The following PFDN6 variants were observed in gnomAD, a reference collection of about 807,000 sequenced individuals.
The protein encoded by PFDN6 is HLA class II region expressed gene KE2.
PFDN6 carries 5 observed loss-of-function variants against 19.3 expected under a neutral mutation model. The observed-to-expected ratio is 0.26, with a 90% CI of 0.14 to 0.55. The LOEUF (loss-of-function observed/expected upper bound fraction) is 0.55, where lower values mean the gene tolerates loss of function less well. PFDN6 is among the 20% of genes least tolerant of loss of function. PFDN6 has a pLI of 0.94. For synonymous variants in PFDN6, 51 were observed against 63.4 expected (o/e 0.80, Z 0.93); for missense variants, 101 against 149.4 (o/e 0.68, Z 1.69).
intron 3 of PFDN6, 27 bp downstream of exon 3, chr6:33,290,477 C>A (rs543779364): frequency 2.0e-6 from 3 of 1,533,772 alleles, no homozygotes; most frequent in East Asian, 2.3e-5. Context: ...CCACCGTGTG[C>A]TGCACCCTGT....
chr6:33,289,587 T>C, upstream of PFDN6: 1 of 692,174 alleles, frequency 1.4e-6, no homozygotes, highest in Non-Finnish European at 2.1e-6. Context: ...CATTCCTTGT[T>C]TACTTCCGGG....
Position 33,290,725 on chromosome 6 carries a change from C to T in PFDN6, c.270C>T (p.Tyr90=), listed in dbSNP as rs780156367. 3 of 1,613,022 alleles carry T rather than the reference C, an allele frequency of 1.9e-6. No homozygotes were observed. The highest frequency in any genetic ancestry group is 4.5e-5 in the East Asian group (2 of 44,884). ...LDYITAEIKR[Y]ESQLRDLERQ... Reference sequence around the variant, plus strand: ...CCTTGTCTCTCCTTAGTAAGCGATACGAATCCCAGCTTCGGGATCTTGAGC... The same window carrying T: ...CCTTGTCTCTCCTTAGTAAGCGATATGAATCCCAGCTTCGGGATCTTGAGC... Residue 90 remains tyrosine, a synonymous_variant, in exon 4 of 4, where the codon TAC becomes TAT. Transcript: ENST00000374606.
chr6:33,290,857 G>T lies in PFDN6; in HGVS notation c.*12G>T. 6.4e-7 allele frequency: 1 copy of T among 1,558,060 alleles called. No individual in the cohort carries two copies. On this transcript the variant is annotated 3_prime_UTR_variant, in exon 4 of 4. Transcript: ENST00000374606. ...CTGGCAAGGCCTGACCCCATGGTGG[G>T]GGGAGGGGAGGGGAGGGGAGGGAAT...
chr6:33,290,661 A>G lies in PFDN6; in HGVS notation c.261-55A>G, dbSNP rs1049398968. ...CTCTTTCTTGCGTTTAGCACTCTCC[A>G]TAGTGAGTCCTACTAATTTCTCCCT... On this transcript the variant is annotated intron_variant, in intron 3 of 3. Coordinates refer to ENST00000374606, the MANE Select transcript of PFDN6 (RefSeq NM_001185181.3). The G allele has an allele frequency of 1.4e-5, 23 of 1,597,048 alleles. No homozygotes were observed. The African/African-American group carries it at 2.7e-4, about 19-fold the overall frequency.
At chr6:33,289,298 T>C, upstream of PFDN6, 1 of 1,471,292 alleles carries the variant, frequency 6.8e-7, no homozygotes, top group Non-Finnish European at 8.9e-7. Context: ...GCTCTCTAGG[T>C]GCCATCTTGA....
chr6:33,290,817 C>G lies in PFDN6; in HGVS notation c.362C>G (p.Ala121Gly). 2 of 1,574,770 alleles carry G rather than the reference C, an allele frequency of 1.3e-6. No homozygotes were observed. The highest frequency in any genetic ancestry group is 2.3e-5 in the East Asian group (1 of 43,360). The change falls in exon 4 of 4, where the codon GCA becomes GGA. Residue 121 changes from alanine (A) to glycine (G), a missense_variant. Physicochemically the swap from Ala to Gly is moderately conservative, Grantham distance 60. Around this residue, in one of 2 missense-constraint regions of PFDN6, gnomAD observed 47 missense variants for 40.6 expected, o/e 1.16. Transcript: ENST00000374606. ...LQQEFQRAQA[A>G]KAGAPGKA ...CAGGAGTTCCAGCGGGCCCAGGCAG[C>G]AAAGGCAGGGGCTCCTGGCAAGGCC...
chr6:33,290,486 G>T (rs775906927), intron 3 of PFDN6, 36 bp downstream of exon 3: 10 of 1,528,180 alleles, frequency 6.5e-6, no homozygotes, highest in Non-Finnish European at 7.0e-6. Context: ...GCTGCACCCT[G>T]TGATGCAAGT....
Position 33,290,582 on chromosome 6 carries a change from T to C in PFDN6, c.260+132T>C, listed in dbSNP as rs1369327844. 5 of 1,470,148 alleles carry C rather than the reference T, an allele frequency of 3.4e-6. No individual in the cohort carries two copies. In the African/African-American group the frequency reaches 7.0e-5, roughly 21 times the overall value. The allele number at this position is 1,470,148 out of a possible 1,614,324, so 91.1% of individuals were successfully genotyped here. On this transcript the variant is annotated intron_variant, in intron 3 of 3. Transcript: ENST00000374606. ...CCTCCAGTTCCTCCAACCCTTTCCT[T>C]CCCTTTTAACCCCCCTTCTTCTCCC...
chr6:33,289,805 A>G lies in PFDN6; in HGVS notation c.-52A>G. 7.0e-7 allele frequency: 1 copy of G among 1,433,856 alleles called. No individual in the cohort carries two copies. The highest frequency in any genetic ancestry group is 1.4e-5 in the African/African-American group (1 of 70,188). The allele number at this position is 1,433,856 out of a possible 1,614,324, so 88.8% of individuals were successfully genotyped here. ...AAAAGGGAGCTCAGGTACCTTCCAGAGAGTGAGACCCAGCGCCCTTGTCTC... is the reference window on the plus strand; with the variant it reads ...AAAAGGGAGCTCAGGTACCTTCCAGGGAGTGAGACCCAGCGCCCTTGTCTC... On this transcript the variant is annotated 5_prime_UTR_variant, in exon 1 of 4. Transcript: ENST00000374606.
At chr6:33,290,013 C>T in intron 1 of PFDN6, 93 bp downstream of exon 1, 1 of 1,325,126 alleles carries the variant, frequency 7.5e-7, no homozygotes, top group Non-Finnish European at 1.1e-6. Context: ...TGGGCCCTCG[C>T]GTGCAGAGAC....
At position 33,290,902 on chromosome 6, in the gene PFDN6, T is replaced by C. The variant is rs1262883933; in HGVS notation, c.*57T>C. The C allele has an allele frequency of 6.9e-7, 1 of 1,459,104 alleles. No individual in the cohort carries two copies. Among genetic ancestry groups the C allele is most frequent in the East Asian group, 2.4e-5 (1 of 40,880 alleles). The allele number at this position is 1,459,104 out of a possible 1,614,324, so 90.4% of individuals were successfully genotyped here. A position where few individuals can be genotyped will look rare whatever the true frequency, so the allele number is the denominator to read the frequency against. Reference sequence around the variant, plus strand: ...GGGAATGAGGCAGCTCTAGGATCTATACTGTAGCTAATAAAATGTAAAAAC... The same window carrying C: ...GGGAATGAGGCAGCTCTAGGATCTACACTGTAGCTAATAAAATGTAAAAAC... On this transcript the variant is annotated 3_prime_UTR_variant, in exon 4 of 4. Transcript: ENST00000374606.
chr6:33,290,601 T>C (rs1767263794), intron 3 of PFDN6, 115 bp from the exon 4 acceptor site: 4 of 1,481,926 alleles, frequency 2.7e-6, no homozygotes, highest in Middle Eastern at 1.8e-4. Context: ...ACCCCCCTTC[T>C]TCTCCCTCCC....
chr6:33,290,358 C>CTTAA lies in PFDN6; in HGVS notation c.170_171insAATT (p.Phe57LeufsTer3). 1 of 1,609,634 alleles carries CTTAA rather than the reference C, an allele frequency of 6.2e-7. No homozygotes were observed. Among genetic ancestry groups the CTTAA allele is most frequent in the Non-Finnish European group, 8.5e-7 (1 of 1,177,186 alleles). On this transcript the variant is annotated frameshift_variant, in exon 3 of 4. Transcript: ENST00000374606. LOFTEE classifies it high-confidence loss of function. The stretch of plus-strand genomic sequence containing the variant: ...CCCTGCTGGATGGGTCCAACGTGGT[C>CTTAA]TTTAAACTTCTGGGTCCGGTGCTAG...
At position 33,290,788 on chromosome 6, in the gene PFDN6, G is replaced by T; in HGVS notation, c.333G>T (p.Leu111=). The change falls in exon 4 of 4, where the codon CTG becomes CTT. Residue 111 remains leucine (L), a synonymous_variant. Transcript: ENST00000374606. ...AACAGAGGGAGACCCTTGCTCAGCT[G>T]CAGCAGGAGTTCCAGCGGGCCCAGG... ...SEQQRETLAQ[L]QQEFQRAQAA... 6.2e-7 allele frequency: 1 copy of T among 1,608,304 alleles called. No homozygotes were observed.
At chr6:33,289,327 T>C (rs1310288801), upstream of PFDN6, 1 of 1,402,302 alleles carries the variant, frequency 7.1e-7, no homozygotes, top group African/African-American at 1.4e-5. Flanking sequence ...ACGCTCTCCT[T>C]AGAGGGGCGG....
intron 1 of PFDN6, 71 bp downstream of exon 1, chr6:33,289,991 T>G (rs1767172809): frequency 6.9e-7 from 1 of 1,457,262 alleles, no homozygotes; most frequent in Non-Finnish European, 9.5e-7. Flanking sequence ...AGATAAGGTT[T>G]GTTGCCCCAT....
At chr6:33,290,142 T>C in intron 1 of PFDN6, 32 bp from the exon 2 acceptor site, 1 of 1,608,756 alleles carries the variant, frequency 6.2e-7, no homozygotes, top group South Asian at 1.1e-5. Context: ...GCACATTTGA[T>C]GTTTCTAAAT....
At chr6:33,289,980 G>A (rs1767171081) in intron 1 of PFDN6, 60 bp downstream of exon 1, 7 of 1,498,118 alleles carry the variant, frequency 4.7e-6, no homozygotes, top group Non-Finnish European at 5.5e-6. Context: ...AGCCATTACC[G>A]AGATAAGGTT....
intron 1 of PFDN6, 46 bp from the exon 2 acceptor site, chr6:33,290,128 G>A (rs1382088416): frequency 1.9e-6 from 3 of 1,586,526 alleles, no homozygotes; most frequent in Non-Finnish European, 2.6e-6. Context: ...TGTGGGGATA[G>A]GTGGCACATT....
Sources: gnomAD v4.1 joint callset for allele counts on GRCh38, gnomAD v4.1.1 for gene constraint, gnomAD v4.1.1 regional missense constraint, MANE v1.5 for transcripts, NCBI Gene and HGNC (gene_info 2026-07-23, HGNC 2026-07-21) for gene names.